The following TUBA4A variants were observed in gnomAD, a reference collection of about 807,000 sequenced individuals.
TUBA4A encodes the protein tubulin alpha 4a.
In TUBA4A, 23 loss-of-function variants were observed where a neutral mutation model predicts 34.3. The ratio of observed to expected loss-of-function variants is 0.67; its 90% CI spans 0.48 to 0.95. The LOEUF is 0.95. TUBA4A is among the 40% of genes least tolerant of loss of function. TUBA4A has a pLI of 0.00. For missense variants in TUBA4A, 279 were observed against 599.0 expected, an observed-to-expected ratio of 0.47 and a Z score of 5.58; for synonymous variants, 216 against 230.5, an observed-to-expected ratio of 0.94 and a Z score of 0.57.
Position 219,250,027 on chromosome 2 carries a change from A to T in TUBA4A, c.*325T>A. ...ACAGAAACCACTGGATTATACTCCT[A>T]CTTGGAAAGGAGCTGAAGACTCATC... On this transcript the variant is annotated 3_prime_UTR_variant, in exon 4 of 4. Transcript: ENST00000248437. The surrounding 1 kb of genome is among the most constrained non-coding windows in gnomAD (Gnocchi z 8.4). 3.5e-6 allele frequency: 1 copy of T among 285,038 alleles called. No homozygotes were observed. The allele number at this position is 285,038 out of a possible 1,614,324, so 17.7% of individuals were successfully genotyped here. A position where few individuals can be genotyped will look rare whatever the true frequency, so the allele number is the denominator to read the frequency against.
rs117872123 is a variant in TUBA4A at position 219,251,948 on chromosome 2, C to T, written c.226+60G>A. Reference sequence around the variant, plus strand: ...TGCCTGGTCTAAATACCCTCTCTCTCCAGGGAGAAGCTTTGAGTCATGCTC... The same window carrying T: ...TGCCTGGTCTAAATACCCTCTCTCTTCAGGGAGAAGCTTTGAGTCATGCTC... On this transcript the variant is annotated intron_variant, in intron 2 of 3. Coordinates refer to ENST00000248437, the MANE Select transcript of TUBA4A (RefSeq NM_006000.3). This position sits in a 1 kb window ranked among gnomAD's most constrained non-coding sequence, Gnocchi z 6.1. 241 of 1,554,082 alleles carry T rather than the reference C, an allele frequency of 1.6e-4. 1 individual carries two copies. In the East Asian group the frequency reaches 5.3e-3, roughly 34 times the overall value.
chr2:219,253,174 AC>A, intron 1 of TUBA4A: 1 of 1,512,668 alleles, frequency 6.6e-7, no homozygotes, highest in Non-Finnish European at 8.9e-7. Context: ...TATAAATACC[AC>A]CCCCTACATG....
intron 1 of TUBA4A, chr2:219,253,062 C>T: frequency 1.8e-6 from 2 of 1,119,958 alleles, no homozygotes; most frequent in Non-Finnish European, 2.5e-6. Context: ...GCAGGATGGG[C>T]GCCATCCTGC....
In TUBA4A at chr2:219,252,928, C is replaced by A; in HGVS notation, c.4-698G>T. ...GTCAGCCCGAAATTAACCCCTAAAGCACTAAAGTCCGGCAGGGCCCGCGCG... is the reference window on the plus strand; with the variant it reads ...GTCAGCCCGAAATTAACCCCTAAAGAACTAAAGTCCGGCAGGGCCCGCGCG... On this transcript the variant is annotated intron_variant, in intron 1 of 3. Coordinates refer to ENST00000248437, the MANE Select transcript of TUBA4A (RefSeq NM_006000.3). The surrounding 1 kb of genome is among the most constrained non-coding windows in gnomAD (Gnocchi z 4.1). The A allele has an allele frequency of 2.1e-6, 1 of 480,576 alleles. No individual in the cohort carries two copies. Among genetic ancestry groups the A allele is most frequent in the South Asian group, 1.5e-5 (1 of 64,664 alleles). 29.8% of individuals were successfully genotyped at this position (480,576 alleles called of 1,614,324 possible). A position where few individuals can be genotyped will look rare whatever the true frequency, so the allele number is the denominator to read the frequency against.
In TUBA4A at chr2:219,251,739, A is replaced by T. The variant is rs748468053; in HGVS notation, c.227-26T>A. The T allele has an allele frequency of 6.2e-7, 1 of 1,605,376 alleles. No homozygotes were observed. Among genetic ancestry groups the T allele is most frequent in the African/African-American group, 1.3e-5 (1 of 74,858 alleles). The stretch of plus-strand genomic sequence containing the variant: ...CTGGAAGGGCAAAAACCACAAAGCT[A>T]TGCTCAGCAGGGACCTTCCTCCCCC... On this transcript the variant is annotated intron_variant, in intron 2 of 3. Transcript: ENST00000248437. The surrounding 1 kb of genome is among the most constrained non-coding windows in gnomAD (Gnocchi z 6.1).
chr2:219,249,907 C>T lies in TUBA4A; in HGVS notation c.*445G>A, dbSNP rs539684656. 10 of 165,594 alleles carry T rather than the reference C, an allele frequency of 6.0e-5. No homozygotes were observed. The highest frequency in any genetic ancestry group is 1.7e-4 in the East Asian group (1 of 5,876). 10.3% of individuals were successfully genotyped at this position (165,594 alleles called of 1,614,324 possible). On this transcript the variant is annotated 3_prime_UTR_variant, in exon 4 of 4. Coordinates refer to ENST00000248437, the MANE Select transcript of TUBA4A (RefSeq NM_006000.3). ...CAGCCCAGCCCCACTCCCAAACCCT[C>T]ATAATGCACAGAGGAGCCTGGGCCA...
intron 1 of TUBA4A, chr2:219,253,209 C>A: frequency 6.7e-7 from 1 of 1,492,440 alleles, no homozygotes; most frequent in Non-Finnish European, 9.0e-7. Flanking sequence ...TCCCCCCAAC[C>A]TGGCCTCGGC....
chr2:219,253,850 A>C lies in TUBA4A; in HGVS notation c.3+6T>G. The C allele has an allele frequency of 1.3e-6, 2 of 1,502,626 alleles. No individual in the cohort carries two copies. The highest frequency in any genetic ancestry group is 1.3e-5 in the South Asian group (1 of 74,764). 93.1% of individuals were successfully genotyped at this position (1,502,626 alleles called of 1,614,324 possible). A position where few individuals can be genotyped will look rare whatever the true frequency, so the allele number is the denominator to read the frequency against. ...ACAGGCGCGACCCCGGCCGGGCCGC[A>C]CTCACCATGGTGAGTCCGGGCGGTG... On this transcript the variant is annotated splice_donor_region_variant and intron_variant, in intron 1 of 3. Transcript: ENST00000248437.
chr2:219,252,844 A>G lies in TUBA4A; in HGVS notation c.4-614T>C. 5 of 472,170 alleles carry G rather than the reference A, an allele frequency of 1.1e-5. No homozygotes were observed. In the Admixed American group the frequency reaches 1.2e-4, roughly 11 times the overall value. 29.2% of individuals were successfully genotyped at this position (472,170 alleles called of 1,614,324 possible). On this transcript the variant is annotated intron_variant, in intron 1 of 3. Transcript: ENST00000248437. The surrounding 1 kb of genome is among the most constrained non-coding windows in gnomAD (Gnocchi z 4.1). ...GGTAATGCTTGTAAGCTCAGACAGC[A>G]GGGGCCAGCAATAAGGTTTGAGGGT...
chr2:219,253,498 G>C, intron 1 of TUBA4A: 1 of 1,208,256 alleles, frequency 8.3e-7, no homozygotes, highest in Admixed American at 2.0e-5. Context: ...GGATGTAAGA[G>C]GGCAGCCAAA....
At chr2:219,253,354 CG>C (rs60456844) in intron 1 of TUBA4A, 42,736 of 948,088 alleles carry the variant, frequency 0.045, 438 homozygotes, top group African/African-American at 0.14. Flanking sequence ...TGCTGAGTCA[CG>C]GGGGGGGGGT....
chr2:219,253,800 C>T, intron 1 of TUBA4A, 56 bp downstream of exon 1: 1 of 1,536,782 alleles, frequency 6.5e-7, no homozygotes, highest in Non-Finnish European at 8.8e-7. Flanking sequence ...AGAAGTGTCC[C>T]CCAAAGGAGA....
chr2:219,253,238 C>T, intron 1 of TUBA4A: 22 of 1,494,146 alleles, frequency 1.5e-5, no homozygotes, highest in East Asian at 2.5e-5. Context: ...TGCTCAGCGC[C>T]AGCTGTCTCT....
intron 1 of TUBA4A, 26 bp downstream of exon 1, chr2:219,253,830 C>G (rs753837141): frequency 2.0e-5 from 30 of 1,521,202 alleles, no homozygotes; most frequent in Non-Finnish European, 2.5e-5. Flanking sequence ...AGGGGACAGG[C>G]GCGACCCCGG....
intron 1 of TUBA4A, chr2:219,253,502 A>C: frequency 2.6e-6 from 3 of 1,159,184 alleles, no homozygotes; most frequent in Non-Finnish European, 3.7e-6. Context: ...GTAAGAGGGC[A>C]GCCAAACCCG....
chr2:219,250,516 A>G lies in TUBA4A; in HGVS notation c.1183T>C (p.Phe395Leu). 1 of 1,614,196 alleles carries G rather than the reference A, an allele frequency of 6.2e-7. No homozygotes were observed. The highest frequency in any genetic ancestry group is 8.5e-7 in the Non-Finnish European group (1 of 1,180,042). ...AEAWARLDHK[F>L]DLMYAKRAFV... The stretch of plus-strand genomic sequence containing the variant: ...GCCCTCTTGGCATACATCAGGTCGA[A>G]CTTGTGGTCCAGGCGGGCCCAGGCC... Residue 395 changes from phenylalanine to leucine, a missense_variant, in exon 4 of 4, where the codon TTC becomes CTC. Phe to Leu is a conservative substitution (Grantham distance 22). Transcript: ENST00000248437. The surrounding 1 kb of genome is among the most constrained non-coding windows in gnomAD (Gnocchi z 8.4).
At chr2:219,253,977 C>A, upstream of TUBA4A, 3 of 1,093,400 alleles carry the variant, frequency 2.7e-6, no homozygotes, top group South Asian at 7.3e-5. Flanking sequence ...CCGCGTTCCC[C>A]GCTCGCCCAC....
rs1574884270 is a variant in TUBA4A, at chr2:219,250,894, G to A, written c.805C>T (p.Leu269=). The change falls in exon 4 of 4, where the codon CTG becomes TTG. Residue 269 remains leucine, a synonymous_variant. Coordinates refer to ENST00000248437, the MANE Select transcript of TUBA4A (RefSeq NM_006000.3). The surrounding 1 kb of genome is among the most constrained non-coding windows in gnomAD (Gnocchi z 8.4). Reference sequence around the variant, plus strand: ...GAGATGACTGGTGCATAGGTGGCCAGGGGGAAGTGGATGCGAGGGTAGGGC... The same window carrying A: ...GAGATGACTGGTGCATAGGTGGCCAAGGGGAAGTGGATGCGAGGGTAGGGC... ...LVPYPRIHFP[L]ATYAPVISAE... The A allele has an allele frequency of 6.2e-7, 1 of 1,614,176 alleles. No individual in the cohort carries two copies. The highest frequency in any genetic ancestry group is 8.5e-7 in the Non-Finnish European group (1 of 1,180,038).
rs373039520 is a variant in TUBA4A, at chr2:219,252,247, G to A, written c.4-17C>T. The A allele has an allele frequency of 4.4e-6, 7 of 1,605,754 alleles. No homozygotes were observed. The Middle Eastern group carries it at 6.7e-4, about 154-fold the overall frequency. On this transcript the variant is annotated splice_polypyrimidine_tract_variant and intron_variant, in intron 1 of 3. Coordinates refer to ENST00000248437, the MANE Select transcript of TUBA4A (RefSeq NM_006000.3). This position sits in a 1 kb window ranked among gnomAD's most constrained non-coding sequence, Gnocchi z 4.1. ...GCATTCACGCTGAGGGATAGAGAGAGGGGACACAGCATGAGCCCCACATCC... is the reference window on the plus strand; with the variant it reads ...GCATTCACGCTGAGGGATAGAGAGAAGGGACACAGCATGAGCCCCACATCC...
Sources: gnomAD v4.1 joint callset for allele counts on GRCh38, gnomAD v4.1.1 for gene constraint, Gnocchi (gnomAD v3.1) non-coding constraint, MANE v1.5 for transcripts, NCBI Gene and HGNC (gene_info 2026-07-23, HGNC 2026-07-21) for gene names.